C7: variants seen among roughly 807,000 people sequenced by gnomAD.
The protein encoded by C7 is complement C7.
Under a neutral mutation model 104.8 loss-of-function variants are expected in C7, and 83 were observed. The observed-to-expected ratio is 0.79, with a 90% CI of 0.66 to 0.95. The LOEUF (loss-of-function observed/expected upper bound fraction) is 0.95, where lower values mean the gene tolerates loss of function less well. C7 is among the 40% of genes least tolerant of loss of function. The pLI, the probability that C7 is intolerant of heterozygous loss-of-function variation, is 0.00. For synonymous variants in C7, 415 were observed against 360.6 expected, an observed-to-expected ratio of 1.15 and a Z score of -1.71; for missense variants, 1,070 against 1,011.2, an observed-to-expected ratio of 1.06 and a Z score of -0.79.
At chr5:40,950,328 T>A (rs369761671) in intron 9 of C7, among the ~76,000 whole-genome samples, 122 of 152,284 alleles carry the variant, frequency 8.0e-4, no homozygotes, top group African/African-American at 2.8e-3. Context: ...CTTGCTTTAG[T>A]TTGCTAAGAA....
chr5:40,921,271 CA>C (rs1227508044), intron 1 of C7, among the ~76,000 whole-genome samples: 1 of 151,780 alleles, frequency 6.6e-6, no homozygotes, highest in African/African-American at 2.4e-5. Flanking sequence ...AAAGATTCTA[CA>C]AAAAATACTA....
intron 4 of C7, among the ~76,000 whole-genome samples, chr5:40,934,993 T>A (rs1222852342): frequency 1.3e-5 from 2 of 152,212 alleles, no homozygotes; most frequent in African/African-American, 4.8e-5. Flanking sequence ...CATTTATGAT[T>A]CTTGTTTCAA....
intron 3 of C7, among the ~76,000 whole-genome samples, chr5:40,933,599 T>C (rs1030524840): frequency 4.6e-5 from 7 of 152,234 alleles, no homozygotes; most frequent in African/African-American, 1.4e-4. Context: ...CCTTTGTAGA[T>C]GTAGCTTCAC....
In C7 at chr5:40,934,314, T is replaced by C; in HGVS notation, c.139-11T>C. The C allele has an allele frequency of 6.4e-7, 1 of 1,573,704 alleles. No homozygotes were observed. The highest frequency in any genetic ancestry group is 1.2e-5 in the South Asian group (1 of 83,148). On this transcript the variant is annotated splice_polypyrimidine_tract_variant and intron_variant, in intron 3 of 17. Transcript: ENST00000313164. ...AATAAACAAACAAACCACTGCCTGC[T>C]TTGTGTTTAGACTCGCAGGCGGTCA...
At chr5:40,971,969 A>G (rs1740706230) in intron 14 of C7, 1 of 419,356 alleles carries the variant, frequency 2.4e-6, no homozygotes. Flanking sequence ...AAAAATAAAA[A>G]TAAATAAATA....
rs765922773 is a variant in C7 at position 40,955,574 on chromosome 5, A to T, written c.1260+21A>T. 3 of 1,595,266 alleles carry T rather than the reference A, an allele frequency of 1.9e-6. No homozygotes were observed. In the Admixed American group the frequency reaches 5.3e-5, roughly 28 times the overall value. ...AAAAGGTATGTCAGGCTTTGTTTAA[A>T]GCAATAGGAAGCAGTCATGTTTATT... On this transcript the variant is annotated intron_variant, in intron 10 of 17. Transcript: ENST00000313164.
rs759297057 is a variant in C7 at position 40,964,904 on chromosome 5, A to G, written c.1882+31A>G. The G allele has an allele frequency of 8.1e-6, 13 of 1,610,304 alleles. No individual in the cohort carries two copies. The Admixed American group carries it at 1.8e-4, about 23-fold the overall frequency. On this transcript the variant is annotated intron_variant, in intron 14 of 17. Coordinates refer to ENST00000313164, the MANE Select transcript of C7 (RefSeq NM_000587.4). ...TGGCGTCAGTTGTATATAATTTAAG[A>G]TGAGAAAATTACGTGGAAGAGAATG...
In C7 at chr5:40,961,315, G is replaced by C. The variant is rs79835718; in HGVS notation, c.1662-770G>C. On this transcript the variant is annotated intron_variant, in intron 12 of 17. Transcript: ENST00000313164. ...CAACTGCCATGGTGCCTGACACATAGTAAATGCTTAGTAAAAGGTAGTTAT... is the reference window on the plus strand; with the variant it reads ...CAACTGCCATGGTGCCTGACACATACTAAATGCTTAGTAAAAGGTAGTTAT... Among the ~76,000 whole-genome samples the C allele has an allele frequency of 5.8e-3, 880 of 152,282 alleles. 8 individuals are homozygous for C. Among genetic ancestry groups the C allele is most frequent in the Non-Finnish European group, 9.3e-3 (632 of 68,034 alleles).
Position 40,960,905 on chromosome 5 carries a change from G to C in C7, c.1662-1180G>C, listed in dbSNP as rs181228170. Among the ~76,000 whole-genome samples, 154 of 152,036 alleles carry C rather than the reference G, an allele frequency of 1.0e-3. 1 individual carries two copies. The highest frequency in any genetic ancestry group is 4.1e-3 in the Admixed American group (63 of 15,264). On this transcript the variant is annotated intron_variant, in intron 12 of 17. Coordinates refer to ENST00000313164, the MANE Select transcript of C7 (RefSeq NM_000587.4). The stretch of plus-strand genomic sequence containing the variant: ...ATCATTATCATTATCTTTATTACAG[G>C]CTCCCCCAAGAGATAGTCATAGTGA...
chr5:40,920,500 G>A (rs886144319), intron 1 of C7, among the ~76,000 whole-genome samples: 1 of 140,042 alleles, frequency 7.1e-6, no homozygotes, highest in Admixed American at 7.2e-5. Context: ...CCAATAATGA[G>A]TAAAAAGATT....
intron 15 of C7, among the ~76,000 whole-genome samples, chr5:40,974,579 C>A (rs986460567): frequency 1.3e-5 from 2 of 151,970 alleles, no homozygotes; most frequent in Admixed American, 1.3e-4. Context: ...CCATGCCCGG[C>A]TAATTTTTTT....
intron 13 of C7, among the ~76,000 whole-genome samples, chr5:40,962,473 C>A (rs898748901): frequency 6.6e-6 from 1 of 152,148 alleles, no homozygotes; most frequent in Non-Finnish European, 1.5e-5. Context: ...CACCAAACTG[C>A]GAATCTACAA....
intron 6 of C7, among the ~76,000 whole-genome samples, chr5:40,938,342 TC>T (rs1739859531): frequency 6.6e-6 from 1 of 152,200 alleles, no homozygotes; most frequent in African/African-American, 2.4e-5. Context: ...GCCTATTTTT[TC>T]CATTTGTATA....
intron 13 of C7, among the ~76,000 whole-genome samples, chr5:40,962,543 CT>C (rs1740445507): frequency 6.6e-6 from 1 of 151,996 alleles, no homozygotes; most frequent in Admixed American, 6.5e-5. Context: ...TTTTTTCCCC[CT>C]CATAACTGTA....
chr5:40,940,504 T>G (rs1739913360), intron 6 of C7, among the ~76,000 whole-genome samples: 1 of 152,212 alleles, frequency 6.6e-6, no homozygotes, highest in African/African-American at 2.4e-5. Flanking sequence ...TTGAATATAC[T>G]TCATTATATA....
At chr5:40,939,463 A>G (rs1739888354) in intron 6 of C7, among the ~76,000 whole-genome samples, 1 of 152,232 alleles carries the variant, frequency 6.6e-6, no homozygotes, top group Non-Finnish European at 1.5e-5. Flanking sequence ...AAAAAGTAGT[A>G]GAGCTTAGAT....
rs748875172 is a variant in C7, at chr5:40,972,556, G to T, written c.2036G>T (p.Trp679Leu). Residue 679 changes from tryptophan (W) to leucine (L), a missense_variant, in exon 15 of 18, where the codon TGG becomes TTG. By Grantham distance (61) the Trp-to-Leu change is moderately conservative. Transcript: ENST00000313164. ...TTTCTCTGTGGCTCCAGCCTTAAGT[G>T]GAGTCCTGAGATGAAGAATGCCCGC... ...SAFLCGSSLK[W>L]SPEMKNARCV... 13 of 1,612,014 alleles carry T rather than the reference G, an allele frequency of 8.1e-6. No homozygotes were observed. In the Admixed American group the frequency reaches 8.3e-5, roughly 10 times the overall value.
intron 1 of C7, among the ~76,000 whole-genome samples, chr5:40,917,081 G>T (rs1287989016): frequency 2.0e-5 from 3 of 149,294 alleles, no homozygotes; most frequent in Non-Finnish European, 4.4e-5. Flanking sequence ...GTTGCAGTGA[G>T]CCAAGACTGT....
intron 1 of C7, among the ~76,000 whole-genome samples, chr5:40,921,898 C>T (rs546116656): frequency 2.0e-5 from 3 of 151,126 alleles, no homozygotes; most frequent in Non-Finnish European, 2.9e-5. Context: ...ATCAGCCAGG[C>T]GTGGTGGTGC....
Sources: gnomAD v4.1 joint callset for allele counts (sites outside exome capture counted in the v4.1 genomes callset) on GRCh38, gnomAD v4.1.1 for gene constraint, MANE v1.5 for transcripts, NCBI Gene and HGNC (gene_info 2026-07-23, HGNC 2026-07-21) for gene names.